Variants in PKNOX1 observed in about 807,000 individuals in gnomAD.
PKNOX1 encodes homeobox protein PKNOX1.
In PKNOX1, 15 loss-of-function variants were observed where a neutral mutation model predicts 51.9. The ratio of observed to expected loss-of-function variants is 0.29; its 90% CI spans 0.19 to 0.45. The LOEUF (loss-of-function observed/expected upper bound fraction) is 0.45, where lower values mean the gene tolerates loss of function less well. PKNOX1 is among the 20% of genes least tolerant of loss of function. PKNOX1 has a pLI of 1.00. For missense variants in PKNOX1, 462 were observed against 547.5 expected, an observed-to-expected ratio of 0.84 and a Z score of 1.56; for synonymous variants, 219 against 211.1, an observed-to-expected ratio of 1.04 and a Z score of -0.32.
intron 1 of PKNOX1, among the ~76,000 whole-genome samples, chr21:42,997,577 G>T (rs1458003411): frequency 6.6e-6 from 1 of 152,236 alleles, no homozygotes; most frequent in Non-Finnish European, 1.5e-5. Flanking sequence ...GACAGCGCTA[G>T]TAGTTGGGGA....
intron 9 of PKNOX1, among the ~76,000 whole-genome samples, chr21:43,025,885 T>G (rs1157095779): frequency 1.3e-5 from 2 of 152,236 alleles, no homozygotes; most frequent in Admixed American, 6.5e-5. Flanking sequence ...GCATAAGTAC[T>G]TCCATGATCC....
chr21:42,978,436 C>T (rs1366927931), intron 1 of PKNOX1, among the ~76,000 whole-genome samples: 1 of 148,258 alleles, frequency 6.7e-6, no homozygotes, highest in African/African-American at 2.5e-5. Context: ...TGGAAAGAAA[C>T]TTCTGCTTTG....
intron 1 of PKNOX1, among the ~76,000 whole-genome samples, chr21:42,987,935 C>T (rs1230836836): frequency 6.6e-6 from 1 of 151,372 alleles, no homozygotes. Context: ...TTTTAAAGAC[C>T]TGTAAAGAAA....
intron 1 of PKNOX1, among the ~76,000 whole-genome samples, chr21:42,983,203 T>C (rs1232976174): frequency 6.6e-6 from 1 of 152,146 alleles, no homozygotes; most frequent in Admixed American, 6.6e-5. Flanking sequence ...GGTAAGTTCA[T>C]TCATACTTTT....
At chr21:43,017,935 C>T (rs537982312) in intron 6 of PKNOX1, 198 bp from the exon 7 acceptor site, 11 of 524,648 alleles carry the variant, frequency 2.1e-5, no homozygotes, top group African/African-American at 3.9e-5. Flanking sequence ...GAGGGCTGGT[C>T]GCAGTGCCTC....
intron 8 of PKNOX1, among the ~76,000 whole-genome samples, chr21:43,023,403 C>T (rs1333656755): frequency 5.9e-5 from 9 of 152,080 alleles, no homozygotes; most frequent in Non-Finnish European, 1.2e-4. Flanking sequence ...GTTCCTTTCA[C>T]GTCAAAGCCA....
intron 1 of PKNOX1, among the ~76,000 whole-genome samples, chr21:42,977,511 C>T (rs1352719772): frequency 5.4e-5 from 8 of 149,176 alleles, no homozygotes; most frequent in South Asian, 2.1e-4. Flanking sequence ...CCTTAAACCT[C>T]ATGAACCAGC....
At chr21:43,019,115 G>A (rs1227772986) in intron 7 of PKNOX1, among the ~76,000 whole-genome samples, 3 of 149,056 alleles carry the variant, frequency 2.0e-5, no homozygotes, top group Non-Finnish European at 4.4e-5. Context: ...GATTCTGGCC[G>A]GGTGCAGTGG....
intron 4 of PKNOX1, among the ~76,000 whole-genome samples, chr21:43,011,627 G>A (rs1311049004): frequency 6.6e-6 from 1 of 152,148 alleles, no homozygotes; most frequent in African/African-American, 2.4e-5. Context: ...ACAAAGATCC[G>A]GCATCAGGGA....
At chr21:42,987,404 A>AAAAATATATATATATATATATATATAT in intron 1 of PKNOX1, among the ~76,000 whole-genome samples, 3 of 41,384 alleles carry the variant, frequency 7.2e-5, no homozygotes, top group Admixed American at 3.1e-4. Context: ...AAAAAAAAAA[A>AAAAATATATATATATATATATATATAT]ATATATATAT....
Position 43,033,237 on chromosome 21 carries a change from A to G in PKNOX1, c.*3136A>G, listed in dbSNP as rs560301656. 96 of 152,274 alleles carry G rather than the reference A, an allele frequency of 6.3e-4. No homozygotes were observed. Among genetic ancestry groups the G allele is most frequent in the African/African-American group, 1.6e-3 (67 of 41,504 alleles). The allele number at this position is 152,274 out of a possible 1,614,324, so 9.4% of individuals were successfully genotyped here. A position where few individuals can be genotyped will look rare whatever the true frequency, so the allele number is the denominator to read the frequency against. Reference sequence around the variant, plus strand: ...AGATGAGTGGAAGTGTTTATCGAGCATGCAAAAGAAACCCTCACGGCTAAG... The same window carrying G: ...AGATGAGTGGAAGTGTTTATCGAGCGTGCAAAAGAAACCCTCACGGCTAAG... On this transcript the variant is annotated 3_prime_UTR_variant, in exon 11 of 11. Transcript: ENST00000291547.
intron 5 of PKNOX1, among the ~76,000 whole-genome samples, chr21:43,014,888 C>G (rs410790): frequency 0.24 from 37,134 of 152,142 alleles, 4,878 homozygotes; most frequent in Non-Finnish European, 0.29. Context: ...ATGCTCTTGT[C>G]TAGAGCTACA....
At chr21:42,977,736 A>C (rs1036666002) in intron 1 of PKNOX1, among the ~76,000 whole-genome samples, 2 of 151,354 alleles carry the variant, frequency 1.3e-5, no homozygotes, top group Non-Finnish European at 2.9e-5. Flanking sequence ...TTTAGTAGAG[A>C]CGGGCTCTAC....
chr21:42,991,023 G>A (rs1235684714), intron 1 of PKNOX1, among the ~76,000 whole-genome samples: 1 of 152,212 alleles, frequency 6.6e-6, no homozygotes, highest in East Asian at 1.9e-4. Context: ...GAAGGTCAGA[G>A]AGATGTTCCT....
chr21:42,985,034 C>A (rs2146228206), intron 1 of PKNOX1, among the ~76,000 whole-genome samples: 1 of 116,390 alleles, frequency 8.6e-6, no homozygotes, highest in Non-Finnish European at 1.6e-5. Context: ...GTTGCCCAGG[C>A]TGGACTGCAA....
At chr21:43,009,136 G>A (rs917583335) in intron 3 of PKNOX1, among the ~76,000 whole-genome samples, 3 of 152,182 alleles carry the variant, frequency 2.0e-5, no homozygotes, top group African/African-American at 7.2e-5. Flanking sequence ...CCAAAATGGC[G>A]AAATGTTGTC....
chr21:42,985,844 C>G (rs2059049505), intron 1 of PKNOX1, among the ~76,000 whole-genome samples: 1 of 151,190 alleles, frequency 6.6e-6, no homozygotes, highest in South Asian at 2.1e-4. Flanking sequence ...CCTAAAAATA[C>G]AAAAAAATTA....
chr21:42,976,190 A>C (rs1291245082), intron 1 of PKNOX1, among the ~76,000 whole-genome samples: 2 of 152,250 alleles, frequency 1.3e-5, no homozygotes, highest in African/African-American at 2.4e-5. Context: ...TTTTCAGTGC[A>C]TATGAAAGTT....
At chr21:43,022,054 G>A (rs1202795096) in intron 8 of PKNOX1, among the ~76,000 whole-genome samples, 3 of 152,242 alleles carry the variant, frequency 2.0e-5, no homozygotes, top group Non-Finnish European at 2.9e-5. Context: ...CCAGCCTGCT[G>A]ATCCAGGGCA....
Sources: gnomAD v4.1 joint callset for allele counts (sites outside exome capture counted in the v4.1 genomes callset) on GRCh38, gnomAD v4.1.1 for gene constraint, MANE v1.5 for transcripts, NCBI Gene and HGNC (gene_info 2026-07-23, HGNC 2026-07-21) for gene names.